FHIT: variants seen among roughly 807,000 people sequenced by gnomAD.
FHIT encodes the protein fragile histidine triad diadenosine triphosphatase.
Under a neutral mutation model 17.9 loss-of-function variants are expected in FHIT, and 19 were observed. The observed-to-expected ratio is 1.06, with a 90% confidence interval of 0.74 to 1.56. The LOEUF (loss-of-function observed/expected upper bound fraction) is 1.56, where lower values mean the gene tolerates loss of function less well. Among genes scored for constraint, FHIT ranks in the 40% most tolerant of loss-of-function variants. FHIT has a pLI of 0.00. For missense variants in FHIT, 248 were observed against 189.2 expected (o/e 1.31, Z -1.82); for synonymous variants, 81 against 69.7 (o/e 1.16, Z -0.81).
chr3:60,571,850 C>A (rs1451875242), intron 4 of FHIT, among the ~76,000 whole-genome samples: 1 of 152,178 alleles, frequency 6.6e-6, no homozygotes, highest in African/African-American at 2.4e-5. Context: ...GAAGAATTCT[C>A]TTTCCATAGC....
intron 5 of FHIT, among the ~76,000 whole-genome samples, chr3:60,270,110 G>C (rs1372446182): frequency 1.3e-5 from 2 of 152,184 alleles, no homozygotes; most frequent in Non-Finnish European, 2.9e-5. Context: ...ATGGGATGAG[G>C]TTGTATCTGT....
intron 5 of FHIT, among the ~76,000 whole-genome samples, chr3:60,321,311 C>T (rs1709415996): frequency 6.6e-6 from 1 of 152,064 alleles, no homozygotes; most frequent in South Asian, 2.1e-4. Context: ...GAATCCCCAT[C>T]TCTAAAATAC....
chr3:60,942,754 G>T (rs2107424248), intron 3 of FHIT, among the ~76,000 whole-genome samples: 1 of 152,054 alleles, frequency 6.6e-6, no homozygotes, highest in South Asian at 2.1e-4. Context: ...GGTTTACTCT[G>T]CTATTTTATT....
intron 5 of FHIT, among the ~76,000 whole-genome samples, chr3:60,107,445 T>G (rs376183644): frequency 2.5e-4 from 38 of 152,270 alleles, no homozygotes; most frequent in East Asian, 2.1e-3. Context: ...GAACAACAAT[T>G]CATGCATTGG....
At chr3:60,637,455 C>T (rs1225747955) in intron 4 of FHIT, among the ~76,000 whole-genome samples, 1 of 152,090 alleles carries the variant, frequency 6.6e-6, no homozygotes, top group African/African-American at 2.4e-5. Context: ...AAAATAACTA[C>T]TATGACCATC....
chr3:60,962,209 C>T (rs1212171022), intron 3 of FHIT, among the ~76,000 whole-genome samples: 2 of 152,154 alleles, frequency 1.3e-5, no homozygotes, highest in African/African-American at 4.8e-5. Context: ...TGGGAGTTCA[C>T]TCATGATTTG....
intron 4 of FHIT, among the ~76,000 whole-genome samples, chr3:60,590,232 T>C (rs1219013227): frequency 6.6e-6 from 1 of 152,066 alleles, no homozygotes; most frequent in Non-Finnish European, 1.5e-5. Flanking sequence ...TCAGACCACC[T>C]TGGCGGACAT....
intron 4 of FHIT, among the ~76,000 whole-genome samples, chr3:60,739,767 T>C (rs1456013060): frequency 1.3e-5 from 2 of 152,198 alleles, no homozygotes; most frequent in Admixed American, 1.3e-4. Context: ...CATTCCAGGA[T>C]CTAAATTAAT....
intron 8 of FHIT, among the ~76,000 whole-genome samples, chr3:59,896,534 T>C (rs1704080362): frequency 6.6e-6 from 1 of 152,210 alleles, no homozygotes; most frequent in Non-Finnish European, 1.5e-5. Context: ...TTTGTTAGTA[T>C]AAATCTCCCT....
At chr3:59,991,647 C>T (rs1422348308) in intron 7 of FHIT, among the ~76,000 whole-genome samples, 1 of 152,046 alleles carries the variant, frequency 6.6e-6, no homozygotes, top group Non-Finnish European at 1.5e-5. Context: ...TTCCTTCCAT[C>T]AGTCCTGAAT....
chr3:60,785,171 A>G (rs1559720178), intron 4 of FHIT, among the ~76,000 whole-genome samples: 1 of 152,200 alleles, frequency 6.6e-6, no homozygotes, highest in Admixed American at 6.5e-5. Flanking sequence ...CTTGATAAGA[A>G]AAATGGGATA....
chr3:60,010,212 C>T (rs1405772032), intron 7 of FHIT, among the ~76,000 whole-genome samples: 1 of 152,202 alleles, frequency 6.6e-6, no homozygotes, highest in Non-Finnish European at 1.5e-5. Context: ...GGTATTAAAT[C>T]CTTTCTTTGC....
At chr3:61,106,044 A>AC (rs1475433753) in intron 2 of FHIT, among the ~76,000 whole-genome samples, 1 of 152,012 alleles carries the variant, frequency 6.6e-6, no homozygotes, top group Non-Finnish European at 1.5e-5. Flanking sequence ...CAGCTTTGGA[A>AC]CCCCCTGATT....
chr3:60,437,276 T>A (rs2687189), intron 5 of FHIT, among the ~76,000 whole-genome samples: 4 of 151,982 alleles, frequency 2.6e-5, no homozygotes, highest in African/African-American at 9.7e-5. Context: ...GTGATGTCAC[T>A]GAGGCAGAGA....
At chr3:59,899,981 T>C (rs1376663241) in intron 8 of FHIT, among the ~76,000 whole-genome samples, 1 of 152,180 alleles carries the variant, frequency 6.6e-6, no homozygotes, top group Non-Finnish European at 1.5e-5. Flanking sequence ...AACAAATGAG[T>C]ATGGCCATGT....
intron 8 of FHIT, among the ~76,000 whole-genome samples, chr3:59,807,740 T>C (rs1211285924): frequency 6.6e-6 from 1 of 151,684 alleles, no homozygotes; most frequent in African/African-American, 2.4e-5. Flanking sequence ...GGACACAGGG[T>C]GAGTAGTCAT....
At chr3:60,698,720 T>G (rs376029200) in intron 4 of FHIT, among the ~76,000 whole-genome samples, 6 of 152,148 alleles carry the variant, frequency 3.9e-5, no homozygotes, top group African/African-American at 1.4e-4. Flanking sequence ...TTACATTGTT[T>G]TATTGCTCCC....
At chr3:61,158,553 G>A (rs1459019473) in intron 2 of FHIT, among the ~76,000 whole-genome samples, 6 of 152,104 alleles carry the variant, frequency 3.9e-5, no homozygotes, top group East Asian at 1.9e-4. Flanking sequence ...TTCACATTAC[G>A]AATATGGTTT....
chr3:61,241,724 ATAAACACT>A (rs1254325435), intron 1 of FHIT, among the ~76,000 whole-genome samples: 1 of 152,234 alleles, frequency 6.6e-6, no homozygotes, highest in Non-Finnish European at 1.5e-5. Context: ...AAGAACACTA[ATAAACACT>A]TAAAAAGACT....
Sources: allele counts gnomAD v4.1 joint callset (sites outside exome capture counted in the v4.1 genomes callset), GRCh38; gene constraint gnomAD v4.1.1; transcripts MANE v1.5; gene names NCBI Gene and HGNC (gene_info 2026-07-23, HGNC 2026-07-21).